The following GALM variants were observed in gnomAD, a reference collection of about 807,000 sequenced individuals.
GALM encodes galactose mutarotase.
GALM carries 43 observed loss-of-function variants against 37.4 expected under a neutral mutation model. The ratio of observed to expected loss-of-function variants is 1.15; its 90% CI spans 0.90 to 1.48. The LOEUF (loss-of-function observed/expected upper bound fraction) is 1.48. Among genes scored for constraint, GALM ranks in the 40% most tolerant of loss-of-function variants. GALM has a pLI of 0.00. For missense variants in GALM, 456 were observed against 419.1 expected, an observed-to-expected ratio of 1.09 and a Z score of -0.77; for synonymous variants, 199 against 170.6, an observed-to-expected ratio of 1.17 and a Z score of -1.30.
intron 4 of GALM, among the ~76,000 whole-genome samples, chr2:38,725,397 G>A (rs1446548689): frequency 6.6e-6 from 1 of 151,784 alleles, no homozygotes; most frequent in Non-Finnish European, 1.5e-5. Flanking sequence ...TTAGCCAGGG[G>A]TGCTGGTACA....
chr2:38,713,649 A>T (rs1666213887), intron 4 of GALM, among the ~76,000 whole-genome samples: 1 of 152,094 alleles, frequency 6.6e-6, no homozygotes, highest in Non-Finnish European at 1.5e-5. Context: ...CACATTTGTA[A>T]TCCCAGCACT....
chr2:38,684,240 A>T (rs962878661), intron 3 of GALM, among the ~76,000 whole-genome samples: 2 of 151,974 alleles, frequency 1.3e-5, no homozygotes, highest in African/African-American at 4.8e-5. Flanking sequence ...AGGGTTGGAG[A>T]CCTGGGGAGG....
intron 2 of GALM, among the ~76,000 whole-genome samples, chr2:38,677,861 G>A (rs75681202): frequency 0.015 from 2,341 of 152,222 alleles, 29 homozygotes; most frequent in Non-Finnish European, 0.025. Flanking sequence ...TAACAAGCCA[G>A]AGAAGACAGG....
intron 2 of GALM, among the ~76,000 whole-genome samples, chr2:38,679,307 G>T (rs547347373): frequency 5.3e-5 from 8 of 152,084 alleles, no homozygotes; most frequent in African/African-American, 1.9e-4. Context: ...CTTTAAACAA[G>T]ATTTTTTTTT....
chr2:38,703,433 G>C (rs1665971816), intron 4 of GALM, among the ~76,000 whole-genome samples: 1 of 151,806 alleles, frequency 6.6e-6, no homozygotes, highest in Non-Finnish European at 1.5e-5. Flanking sequence ...GCCCAACACT[G>C]TGTGAGAACT....
At chr2:38,725,262 T>A (rs1159024037) in intron 4 of GALM, among the ~76,000 whole-genome samples, 1 of 152,172 alleles carries the variant, frequency 6.6e-6, no homozygotes, top group Non-Finnish European at 1.5e-5. Context: ...TTGCTGAGCA[T>A]GGTGGCTCAT....
chr2:38,711,079 CTA>C (rs1020011962), intron 4 of GALM, among the ~76,000 whole-genome samples: 9 of 151,872 alleles, frequency 5.9e-5, no homozygotes, highest in African/African-American at 1.7e-4. Context: ...TGATCCTGCT[CTA>C]TGTGTCTTTA....
At chr2:38,688,895 A>T in intron 3 of GALM, among the ~76,000 whole-genome samples, 1 of 152,120 alleles carries the variant, frequency 6.6e-6, no homozygotes, top group Non-Finnish European at 1.5e-5. Flanking sequence ...ATCTTGGCTC[A>T]CCGCAACCTC....
intron 6 of GALM, 75 bp downstream of exon 6, chr2:38,731,984 G>A (rs1666618822): frequency 9.3e-6 from 11 of 1,183,114 alleles, no homozygotes; most frequent in South Asian, 2.7e-5. Context: ...CACTACACTC[G>A]AATCAGCTTG....
At position 38,675,540 on chromosome 2, in the gene GALM, TTTTTGTGTGTGTGTGTGTG is replaced by T. The variant is rs1209009411; in HGVS notation, c.191-370_191-352del. Among the ~76,000 whole-genome samples the T allele has an allele frequency of 1.5e-4, 14 of 93,202 alleles. No homozygotes were observed. The East Asian group carries it at 4.8e-3, about 32-fold the overall frequency. 61.1% of individuals were successfully genotyped at this position (93,202 alleles called of 152,430 possible). On this transcript the variant is annotated intron_variant, in intron 1 of 6. Coordinates refer to ENST00000272252, the MANE Select transcript of GALM (RefSeq NM_138801.3). ...AGGGTTTTTTTGTTTTTTTTTTTTT[TTTTTGTGTGTGTGTGTGTG>T]TGTGTGTGTGTGTGTGTGTGTGTGT...
chr2:38,721,468 GTCATAA>G (rs1262019291), intron 4 of GALM, among the ~76,000 whole-genome samples: 1 of 152,014 alleles, frequency 6.6e-6, no homozygotes, highest in Non-Finnish European at 1.5e-5. Context: ...CATCACTCTT[GTCATAA>G]TCCTTGATTA....
intron 4 of GALM, among the ~76,000 whole-genome samples, chr2:38,710,578 A>C (rs1318281245): frequency 1.3e-5 from 2 of 152,064 alleles, no homozygotes; most frequent in Admixed American, 1.3e-4. Context: ...TTATTTAAAA[A>C]ATTTGTTGTA....
chr2:38,711,054 C>T (rs549498147), intron 4 of GALM, among the ~76,000 whole-genome samples: 8 of 152,120 alleles, frequency 5.3e-5, no homozygotes, highest in Non-Finnish European at 1.5e-5. Context: ...GCACCAGCCC[C>T]TGGTCATTTC....
At chr2:38,717,306 AGTGTGTGTGTGTGTGTGTGT>A (rs56902027) in intron 4 of GALM, among the ~76,000 whole-genome samples, 13 of 143,750 alleles carry the variant, frequency 9.0e-5, no homozygotes, top group African/African-American at 3.1e-4. Flanking sequence ...GTATTAAGGG[AGTGTGTGTGTGTGTGTGTGT>A]GTGTGTGTGT....
intron 4 of GALM, among the ~76,000 whole-genome samples, chr2:38,705,897 G>A (rs546498900): frequency 8.2e-4 from 124 of 152,084 alleles, no homozygotes; most frequent in Non-Finnish European, 1.5e-3. Flanking sequence ...GAGTGCAGTG[G>A]CGCAACCTCC....
chr2:38,681,326 G>T lies in GALM; in HGVS notation c.392G>T (p.Arg131Leu), dbSNP rs114743178. Residue 131 changes from arginine (R) to leucine (L), a missense_variant, in exon 3 of 7, where the codon CGC becomes CTC. Transcript: ENST00000272252. ...CTGTCAAATGGCGTCCAGTTCTCGC[G>T]CATCAGTCCAGATGGTGAAGAAGGC... ...RVLSNGVQFS[R>L]ISPDGEEGYP... The T allele has an allele frequency of 6.2e-7, 1 of 1,613,754 alleles. No homozygotes were observed. The highest frequency in any genetic ancestry group is 1.3e-5 in the African/African-American group (1 of 74,894).
chr2:38,719,774 C>CA (rs34403810), intron 4 of GALM, among the ~76,000 whole-genome samples: 2,144 of 118,498 alleles, frequency 0.018, 40 homozygotes, highest in South Asian at 0.029. Context: ...AATTCTGTCT[C>CA]AAAAAAAAAA....
chr2:38,675,084 A>G (rs1183122871), intron 1 of GALM, among the ~76,000 whole-genome samples: 1 of 152,174 alleles, frequency 6.6e-6, no homozygotes, highest in Non-Finnish European at 1.5e-5. Context: ...CTGAGGCAAG[A>G]AAACCACTTG....
chr2:38,674,343 C>G (rs1052118081), intron 1 of GALM, among the ~76,000 whole-genome samples: 1 of 152,018 alleles, frequency 6.6e-6, no homozygotes, highest in African/African-American at 2.4e-5. Flanking sequence ...GCACAGGCCA[C>G]GACACCCAGC....
Sources: gnomAD v4.1 joint callset for allele counts (sites outside exome capture counted in the v4.1 genomes callset) on GRCh38, gnomAD v4.1.1 for gene constraint, MANE v1.5 for transcripts, NCBI Gene and HGNC (gene_info 2026-07-23, HGNC 2026-07-21) for gene names.